Variants in SNTG1 observed in about 807,000 individuals in gnomAD.
SNTG1 encodes the protein gamma-1-syntrophin.
SNTG1 carries 39 observed loss-of-function variants against 74.7 expected under a neutral mutation model. The ratio of observed to expected loss-of-function variants is 0.52; its 90% CI spans 0.40 to 0.68. The LOEUF (loss-of-function observed/expected upper bound fraction) is 0.68, where lower values mean the gene tolerates loss of function less well. SNTG1 is among the 30% of genes least tolerant of loss of function. The pLI is 0.00. For synonymous variants in SNTG1, 254 were observed against 217.1 expected, an observed-to-expected ratio of 1.17 and a Z score of -1.49; for missense variants, 685 against 609.5, an observed-to-expected ratio of 1.12 and a Z score of -1.30.
At position 50,590,894 on chromosome 8, in the gene SNTG1, A is replaced by G. The variant is rs758480537; in HGVS notation, c.826A>G (p.Arg276Gly). The change falls in exon 13 of 19, where the codon AGA (arginine) becomes GGA (glycine). Residue 276 changes from arginine to glycine, a missense_variant. By Grantham distance (125) the Arg-to-Gly change is moderately radical. Coordinates refer to ENST00000642720, the MANE Select transcript of SNTG1 (RefSeq NM_018967.5). ...LTKHNIKKINRNFPVNQQIVY... is the reference protein window; with the variant it reads ...LTKHNIKKINGNFPVNQQIVY... ...ATCATTGCAGATTAAAAAAATCAAC[A>G]GAAACTTTCCTGTAAACCAGCAGGT... 21 of 1,572,180 alleles carry G rather than the reference A, an allele frequency of 1.3e-5. No individual in the cohort carries two copies. Among genetic ancestry groups the G allele is most frequent in the Non-Finnish European group, 1.7e-5 (20 of 1,155,378 alleles).
intron 1 of SNTG1, among the ~76,000 whole-genome samples, chr8:49,946,135 T>C (rs898669477): frequency 2.5e-4 from 38 of 152,194 alleles, no homozygotes; most frequent in African/African-American, 8.7e-4. Context: ...ATTATGTATT[T>C]ATAAATGTAG....
At chr8:50,134,992 C>T (rs1306357031) in intron 1 of SNTG1, among the ~76,000 whole-genome samples, 1 of 152,112 alleles carries the variant, frequency 6.6e-6, no homozygotes, top group South Asian at 2.1e-4. Flanking sequence ...GGGTTGTTTT[C>T]TGTGATCCCA....
intron 2 of SNTG1, among the ~76,000 whole-genome samples, chr8:50,183,155 T>C (rs1035314035): frequency 6.6e-6 from 1 of 152,234 alleles, no homozygotes; most frequent in Non-Finnish European, 1.5e-5. Flanking sequence ...TTCATCAGAA[T>C]GCATTGCTTA....
At position 50,691,275 on chromosome 8, in the gene SNTG1, A is replaced by C. The variant is rs1227695171; in HGVS notation, c.1039-13325A>C. ...TTAAGGTTAATATTGTTATGTGTGT[A>C]TTTGATCCTGTCATTATGATGTTAG... On this transcript the variant is annotated intron_variant, in intron 15 of 18. Coordinates refer to ENST00000642720, the MANE Select transcript of SNTG1 (RefSeq NM_018967.5). 2.0e-5 allele frequency among the ~76,000 whole-genome samples: 3 copies of C among 152,228 alleles called. No homozygotes were observed. In the East Asian group the frequency reaches 5.8e-4, roughly 29 times the overall value.
At chr8:50,592,046 G>T (rs1280471596) in intron 13 of SNTG1, among the ~76,000 whole-genome samples, 1 of 152,142 alleles carries the variant, frequency 6.6e-6, no homozygotes, top group Non-Finnish European at 1.5e-5. Flanking sequence ...GCTGTCCCAG[G>T]TGATTCTGGT....
chr8:50,398,266 G>A (rs2092753791), intron 3 of SNTG1, among the ~76,000 whole-genome samples: 1 of 152,178 alleles, frequency 6.6e-6, no homozygotes, highest in South Asian at 2.1e-4. Flanking sequence ...TTTATGTATG[G>A]CGTCTCCCTT....
intron 2 of SNTG1, among the ~76,000 whole-genome samples, chr8:50,267,523 G>A (rs1322275176): frequency 1.3e-5 from 2 of 152,100 alleles, no homozygotes; most frequent in African/African-American, 2.4e-5. Context: ...AGTTGGTGAG[G>A]TTGAGAAAAA....
At position 50,278,857 on chromosome 8, in the gene SNTG1, AAG is replaced by A. The variant is rs1200495054; in HGVS notation, c.-28+106227_-28+106228del. ...AACTTAACTTAAAAAATTCATGTCTAAGAGAGCAGTTTACAGTTATTAGACTG... is the reference window on the plus strand; with the variant it reads ...AACTTAACTTAAAAAATTCATGTCTAAGAGCAGTTTACAGTTATTAGACTG... On this transcript the variant is annotated intron_variant, in intron 2 of 18. Coordinates refer to ENST00000642720, the MANE Select transcript of SNTG1 (RefSeq NM_018967.5). 5.3e-5 allele frequency among the ~76,000 whole-genome samples: 8 copies of A among 152,226 alleles called. No individual in the cohort carries two copies. The East Asian group carries it at 1.5e-3, about 29-fold the overall frequency.
chr8:50,008,354 G>A (rs1278704648), intron 1 of SNTG1, among the ~76,000 whole-genome samples: 1 of 152,126 alleles, frequency 6.6e-6, no homozygotes, highest in Non-Finnish European at 1.5e-5. Flanking sequence ...GAGCTAATAT[G>A]TACACATTTC....
In SNTG1 at chr8:50,536,776, CTCTCAGTA is replaced by C; in HGVS notation, c.650_657del (p.Ser217CysfsTer31). On this transcript the variant is annotated frameshift_variant, in exon 11 of 19. Transcript: ENST00000642720. LOFTEE classifies it high-confidence loss of function. The stretch of plus-strand genomic sequence containing the variant: ...TGATCCCTCTACTTCATTCGCGCTT[CTCTCAGTA>C]TGTGCCCGGCACAGATTTGAGTCGG... 6.2e-7 allele frequency: 1 copy of C among 1,614,010 alleles called. No individual in the cohort carries two copies. The highest frequency in any genetic ancestry group is 8.5e-7 in the Non-Finnish European group (1 of 1,179,880).
intron 2 of SNTG1, among the ~76,000 whole-genome samples, chr8:50,219,895 A>G (rs2084975465): frequency 6.6e-6 from 1 of 152,230 alleles, no homozygotes; most frequent in African/African-American, 2.4e-5. Flanking sequence ...TATTAGTCTA[A>G]GACGAAACAG....
chr8:50,234,824 CTT>C (rs1489781511), intron 2 of SNTG1, among the ~76,000 whole-genome samples: 8 of 151,974 alleles, frequency 5.3e-5, no homozygotes, highest in Admixed American at 1.3e-4. Context: ...CTTTGGATCT[CTT>C]TTTCTGATAG....
intron 2 of SNTG1, among the ~76,000 whole-genome samples, chr8:50,265,535 CA>C (rs1425150977): frequency 6.6e-6 from 1 of 151,754 alleles, no homozygotes; most frequent in Non-Finnish European, 1.5e-5. Context: ...AATGAAAAAC[CA>C]AAGCATTTCT....
chr8:50,301,349 A>G (rs34651805), intron 2 of SNTG1, among the ~76,000 whole-genome samples: 90,030 of 151,904 alleles, frequency 0.59, 29,328 homozygotes, highest in East Asian at 0.85. Flanking sequence ...CATATATACT[A>G]TAACCCTATA....
intron 2 of SNTG1, among the ~76,000 whole-genome samples, chr8:50,180,640 C>T (rs1031175145): frequency 3.3e-5 from 5 of 152,012 alleles, no homozygotes; most frequent in Non-Finnish European, 7.4e-5. Flanking sequence ...AATCCCACCA[C>T]CTTCAACACA....
At chr8:50,397,441 C>T (rs1349114597) in intron 3 of SNTG1, among the ~76,000 whole-genome samples, 1 of 152,168 alleles carries the variant, frequency 6.6e-6, no homozygotes, top group African/African-American at 2.4e-5. Context: ...CAGCTGCTCC[C>T]ATGATTCGGT....
intron 1 of SNTG1, among the ~76,000 whole-genome samples, chr8:50,096,033 C>CA (rs1007952607): frequency 6.6e-6 from 1 of 151,826 alleles, no homozygotes; most frequent in African/African-American, 2.4e-5. Context: ...AATAGAGCCC[C>CA]AATCTAGTAA....
At chr8:49,909,800 G>A (rs1805491563), upstream of SNTG1, 1 of 152,350 alleles carries the variant, frequency 6.6e-6, no homozygotes, top group African/African-American at 2.4e-5. Context: ...CCTTCCAGCC[G>A]GAGCTCGCGA....
chr8:49,942,905 T>C (rs982214892), intron 1 of SNTG1, among the ~76,000 whole-genome samples: 1 of 152,206 alleles, frequency 6.6e-6, no homozygotes, highest in Non-Finnish European at 1.5e-5. Flanking sequence ...CTCCATACTG[T>C]GCTCTTTGGA....
Sources: gnomAD v4.1 joint callset for allele counts (sites outside exome capture counted in the v4.1 genomes callset) on GRCh38, gnomAD v4.1.1 for gene constraint, MANE v1.5 for transcripts, NCBI Gene and HGNC (gene_info 2026-07-23, HGNC 2026-07-21) for gene names.